Variants in ASMT observed in about 807,000 individuals in gnomAD.
The protein encoded by ASMT is acetylserotonin N-methyltransferase.
A neutral mutation model predicts 41.3 loss-of-function variants in ASMT; 53 were observed. That is an observed-to-expected ratio of 1.28 (90% CI 1.03 to 1.61). The LOEUF (loss-of-function observed/expected upper bound fraction) is 1.61, where lower values mean the gene tolerates loss of function less well. Among genes scored for constraint, ASMT ranks in the 40% most tolerant of loss-of-function variants. The pLI, the probability that ASMT is intolerant of heterozygous loss-of-function variation, is 0.00. For missense variants in ASMT, 531 were observed against 441.3 expected (o/e 1.20, Z -1.82); for synonymous variants, 231 against 184.8 (o/e 1.25, Z -2.03).
chrX:1,642,775 G>A (rs183257193), intron 8 of ASMT, 28 bp from the exon 9 acceptor site: 1 of 1,596,748 alleles, frequency 6.3e-7, no homozygotes, highest in African/African-American at 1.3e-5. Context: ...GTTTGTGTGT[G>A]ATGTGGACTG....
intron 1 of ASMT, among the ~76,000 whole-genome samples, chrX:1,620,394 T>C (rs1394350008): frequency 2.6e-5 from 4 of 151,728 alleles, no homozygotes; most frequent in Admixed American, 6.6e-5. Context: ...TGTCGAACTC[T>C]TGACCTCAAG....
chrX:1,615,194 G>T lies in ASMT; in HGVS notation c.-6G>T. On this transcript the variant is annotated 5_prime_UTR_variant, in exon 1 of 9. Coordinates refer to ENST00000381241, the MANE Select transcript of ASMT (RefSeq NM_001171038.2). Reference sequence around the variant, plus strand: ...CTCCGGAAGCCACGGCTGGATTGGAGACAAGATGGGATCCTCAGAGGACCA... The same window carrying T: ...CTCCGGAAGCCACGGCTGGATTGGATACAAGATGGGATCCTCAGAGGACCA... 2 of 1,589,376 alleles carry T rather than the reference G, an allele frequency of 1.3e-6. No homozygotes were observed. The highest frequency in any genetic ancestry group is 1.7e-4 in the Middle Eastern group (1 of 6,030).
intron 4 of ASMT, among the ~76,000 whole-genome samples, chrX:1,628,914 C>T (rs1464963590): frequency 7.3e-6 from 1 of 136,908 alleles, no homozygotes; most frequent in Non-Finnish European, 1.6e-5. Flanking sequence ...CTTTCCTTTC[C>T]CCCGTTTCTC....
At chrX:1,628,010 T>G in intron 4 of ASMT, 1 of 599,966 alleles carries the variant, frequency 1.7e-6, no homozygotes, top group Non-Finnish European at 3.0e-6. Context: ...ACTCACAAAC[T>G]CAGTGTTTAT....
chrX:1,620,838 G>A (rs1270210599), intron 1 of ASMT, among the ~76,000 whole-genome samples: 7 of 151,958 alleles, frequency 4.6e-5, no homozygotes, highest in African/African-American at 1.2e-4. Context: ...GCCGTGAGGC[G>A]TGATCGTGCC....
intron 5 of ASMT, among the ~76,000 whole-genome samples, chrX:1,631,640 C>T (rs547623868): frequency 5.9e-5 from 9 of 152,064 alleles, no homozygotes; most frequent in Non-Finnish European, 4.4e-5. Context: ...GCAGACCGGG[C>T]GCGGTGGCTC....
chrX:1,634,653 A>ACCCC (rs33973060), intron 7 of ASMT, among the ~76,000 whole-genome samples: 6 of 138,894 alleles, frequency 4.3e-5, no homozygotes, highest in African/African-American at 8.0e-5. Context: ...TGCTGAGTTA[A>ACCCC]CCCCCCCCCT....
chrX:1,643,051 C>T lies in ASMT; in HGVS notation c.*37C>T. ...GACCTGGAACTAACGTCAAAGCACACAAGACATAATAATAAAGACATGTAC... is the reference window on the plus strand; with the variant it reads ...GACCTGGAACTAACGTCAAAGCACATAAGACATAATAATAAAGACATGTAC... On this transcript the variant is annotated 3_prime_UTR_variant, in exon 9 of 9. Transcript: ENST00000381241. 6.3e-7 allele frequency: 1 copy of T among 1,599,994 alleles called. No homozygotes were observed. The highest frequency in any genetic ancestry group is 1.7e-5 in the Admixed American group (1 of 59,986).
intron 8 of ASMT, among the ~76,000 whole-genome samples, chrX:1,642,587 A>G (rs1220296364): frequency 1.3e-5 from 2 of 151,366 alleles, no homozygotes; most frequent in Non-Finnish European, 2.9e-5. Flanking sequence ...ACATGGGCAC[A>G]GCCTCTATGT....
chrX:1,633,451 G>C (rs2149470229), intron 7 of ASMT, 161 bp downstream of exon 7: 1 of 229,632 alleles, frequency 4.4e-6, no homozygotes, highest in East Asian at 1.8e-4. Flanking sequence ...TGGAAAGCTG[G>C]GTGTAGATAT....
chrX:1,624,875 A>C (rs28600310), intron 3 of ASMT, among the ~76,000 whole-genome samples: 2,888 of 44,278 alleles, frequency 0.065, 162 homozygotes, highest in East Asian at 0.11. Flanking sequence ...TGGGGGCTGC[A>C]CCCAGGCAGA....
rs779935666 is a variant in ASMT, at chrX:1,620,124, G to T, written c.70-3015G>T. 7.5e-4 allele frequency among the ~76,000 whole-genome samples: 100 copies of T among 133,398 alleles called. 1 individual carries two copies. Among genetic ancestry groups the T allele is most frequent in the African/African-American group, 2.4e-3 (88 of 37,274 alleles). The allele number at this position is 133,398 out of a possible 152,430, so 87.5% of individuals were successfully genotyped here. A position where few individuals can be genotyped will look rare whatever the true frequency, so the allele number is the denominator to read the frequency against. ...AATAAATAAATAAATAAATAAAAAA[G>T]AAAAAGGTTAATACAACATTAAAGA... On this transcript the variant is annotated intron_variant, in intron 1 of 8. Coordinates refer to ENST00000381241, the MANE Select transcript of ASMT (RefSeq NM_001171038.2).
At chrX:1,632,168 T>A (rs1934800589) in intron 5 of ASMT, among the ~76,000 whole-genome samples, 1 of 152,140 alleles carries the variant, frequency 6.6e-6, no homozygotes, top group African/African-American at 2.4e-5. Flanking sequence ...GAATGGGGCT[T>A]GTTATTACAT....
chrX:1,619,301 C>G (rs1250397669), intron 1 of ASMT, among the ~76,000 whole-genome samples: 1 of 149,256 alleles, frequency 6.7e-6, no homozygotes, highest in Non-Finnish European at 1.5e-5. Context: ...GGCTGAGGCA[C>G]GAGAATGGCG....
At position 1,633,441 on chromosome X, in the gene ASMT, T is replaced by C; in HGVS notation, c.787+151T>C. 4 of 872,064 alleles carry C rather than the reference T, an allele frequency of 4.6e-6. No homozygotes were observed. The Middle Eastern group carries it at 8.6e-4, about 187-fold the overall frequency. The allele number at this position is 872,064 out of a possible 1,614,324, so 54.0% of individuals were successfully genotyped here. A position where few individuals can be genotyped will look rare whatever the true frequency, so the allele number is the denominator to read the frequency against. On this transcript the variant is annotated intron_variant, in intron 7 of 8. Transcript: ENST00000381241. ...AACACTGTCTGTTATTCATGATGGA[T>C]GGAAAGCTGGGTGTAGATATACAGT...
intron 3 of ASMT, among the ~76,000 whole-genome samples, chrX:1,625,654 T>C (rs772745513): frequency 6.7e-6 from 1 of 149,992 alleles, no homozygotes; most frequent in South Asian, 2.1e-4. Context: ...CTGGACTCAA[T>C]AGAAAGGAGT....
intron 1 of ASMT, among the ~76,000 whole-genome samples, chrX:1,622,485 T>C (rs1934371650): frequency 6.6e-6 from 1 of 151,510 alleles, no homozygotes; most frequent in African/African-American, 2.4e-5. Context: ...GAGATGGGGT[T>C]TCACCATGTT....
At chrX:1,616,542 C>T (rs1226009815) in intron 1 of ASMT, among the ~76,000 whole-genome samples, 1 of 151,138 alleles carries the variant, frequency 6.6e-6, no homozygotes, top group South Asian at 2.1e-4. Context: ...TACAACATCA[C>T]GAATGTACTA....
intron 5 of ASMT, among the ~76,000 whole-genome samples, chrX:1,631,797 C>T (rs1934787347): frequency 1.3e-5 from 2 of 152,062 alleles, no homozygotes. Context: ...TGCCTGTAAT[C>T]CCAGCACTTT....
Sources: gnomAD v4.1 joint callset for allele counts (sites outside exome capture counted in the v4.1 genomes callset) on GRCh38, gnomAD v4.1.1 for gene constraint, MANE v1.5 for transcripts, NCBI Gene and HGNC (gene_info 2026-07-23, HGNC 2026-07-21) for gene names.